Variants in CDH13 observed in about 807,000 individuals in gnomAD.
The protein encoded by CDH13 is cadherin-13.
CDH13 carries 24 observed loss-of-function variants against 63.8 expected under a neutral mutation model. The observed-to-expected ratio is 0.38, with a 90% CI of 0.27 to 0.53. The LOEUF (loss-of-function observed/expected upper bound fraction) is 0.53, where lower values mean the gene tolerates loss of function less well. Among genes scored for constraint, CDH13 ranks in the 20% least tolerant of loss-of-function variants. The pLI, the probability that CDH13 is intolerant of heterozygous loss-of-function variation, is 0.85. For synonymous variants in CDH13, 503 were observed against 355.3 expected (o/e 1.42, Z -4.67); for missense variants, 1,049 against 903.1 (o/e 1.16, Z -2.07).
chr16:82,939,555 G>T (rs1043511486), intron 2 of CDH13, among the ~76,000 whole-genome samples: 1 of 152,046 alleles, frequency 6.6e-6, no homozygotes, highest in South Asian at 2.1e-4. Context: ...GAATACTCAG[G>T]TGAGATCCCC....
rs114561349 is a variant in CDH13, at chr16:83,109,940, G to A, written c.367-15445G>A. Among the ~76,000 whole-genome samples, 897 of 152,246 alleles carry A rather than the reference G, an allele frequency of 5.9e-3. 15 individuals carry two copies. The highest frequency in any genetic ancestry group is 0.02 in the African/African-American group (835 of 41,536). Reference sequence around the variant, plus strand: ...TGTTGTTATTGCTCCTGCTAGATTCGTGAAATATTTCAGAGGCAATTGCAT... The same window carrying A: ...TGTTGTTATTGCTCCTGCTAGATTCATGAAATATTTCAGAGGCAATTGCAT... On this transcript the variant is annotated intron_variant, in intron 3 of 13. Transcript: ENST00000567109.
intron 5 of CDH13, among the ~76,000 whole-genome samples, chr16:83,292,757 AG>A (rs1203744592): frequency 6.6e-6 from 1 of 152,226 alleles, no homozygotes; most frequent in South Asian, 2.1e-4. Context: ...GGGTATGTTC[AG>A]AAAATCAGTG....
rs989470271 is a variant in CDH13 at position 83,237,043 on chromosome 16, A to G, written c.636+19546A>G. Among the ~76,000 whole-genome samples, 3 of 152,104 alleles carry G rather than the reference A, an allele frequency of 2.0e-5. No individual in the cohort carries two copies. The East Asian group carries it at 5.8e-4, about 29-fold the overall frequency. ...AAACCCAGGTGTGAGGACCAGGAGG[A>G]AGAGGGTGGGGCAGAGGGGACAAGG... On this transcript the variant is annotated intron_variant, in intron 5 of 13. Coordinates refer to ENST00000567109, the MANE Select transcript of CDH13 (RefSeq NM_001257.5).
intron 4 of CDH13, among the ~76,000 whole-genome samples, chr16:83,188,286 T>C (rs1422996715): frequency 6.6e-6 from 1 of 152,104 alleles, no homozygotes; most frequent in Non-Finnish European, 1.5e-5. Flanking sequence ...CTAGAAGCAA[T>C]GGGGGCTTGG....
At chr16:82,971,591 A>G (rs1348890569) in intron 2 of CDH13, among the ~76,000 whole-genome samples, 2 of 152,204 alleles carry the variant, frequency 1.3e-5, no homozygotes, top group Non-Finnish European at 1.5e-5. Flanking sequence ...TGTTGTTTCT[A>G]TAAGGTGTTC....
intron 1 of CDH13, among the ~76,000 whole-genome samples, chr16:82,666,779 A>G (rs1238712042): frequency 6.6e-6 from 1 of 152,212 alleles, no homozygotes; most frequent in African/African-American, 2.4e-5. Context: ...ACACAGATGG[A>G]AGCTGGTGAA....
chr16:83,262,668 A>G (rs905115620), intron 5 of CDH13, among the ~76,000 whole-genome samples: 2 of 152,348 alleles, frequency 1.3e-5, no homozygotes, highest in South Asian at 2.1e-4. Context: ...ATAAAGAAAT[A>G]TGAAAAAATG....
intron 4 of CDH13, among the ~76,000 whole-genome samples, chr16:83,192,738 G>A (rs1257913140): frequency 6.6e-6 from 1 of 151,602 alleles, no homozygotes; most frequent in Non-Finnish European, 1.5e-5. Context: ...GGAAGTTGAG[G>A]GACTATACAG....
chr16:83,749,460 C>A (rs1179911768), intron 11 of CDH13, among the ~76,000 whole-genome samples: 1 of 152,104 alleles, frequency 6.6e-6, no homozygotes, highest in Admixed American at 6.6e-5. Context: ...GGGGGCACAG[C>A]ACAGGAGGTA....
chr16:83,406,064 C>T (rs2092038844), intron 6 of CDH13, among the ~76,000 whole-genome samples: 1 of 152,134 alleles, frequency 6.6e-6, no homozygotes, highest in South Asian at 2.1e-4. Flanking sequence ...AATTCTTTGC[C>T]AGCACATAGT....
At chr16:83,256,085 G>A (rs1227592273) in intron 5 of CDH13, among the ~76,000 whole-genome samples, 12 of 152,198 alleles carry the variant, frequency 7.9e-5, no homozygotes, top group Non-Finnish European at 1.5e-5. Context: ...CCAGGCTGAA[G>A]TACAGTGGCA....
chr16:82,960,434 T>G (rs1476602884), intron 2 of CDH13, among the ~76,000 whole-genome samples: 1 of 151,934 alleles, frequency 6.6e-6, no homozygotes, highest in Non-Finnish European at 1.5e-5. Flanking sequence ...ACAGTGGAAA[T>G]CTTGAGTGGG....
chr16:83,629,248 G>C lies in CDH13; in HGVS notation c.1101+26654G>C, dbSNP rs560418074. Reference sequence around the variant, plus strand: ...AATAGAGATTGCCCAAAGAAGTTTTGCTGGCTTCTGAAAACTTTCTCATAA... The same window carrying C: ...AATAGAGATTGCCCAAAGAAGTTTTCCTGGCTTCTGAAAACTTTCTCATAA... On this transcript the variant is annotated intron_variant, in intron 8 of 13. Coordinates refer to ENST00000567109, the MANE Select transcript of CDH13 (RefSeq NM_001257.5). 2.6e-5 allele frequency among the ~76,000 whole-genome samples: 4 copies of C among 152,294 alleles called. No homozygotes were observed. The South Asian group carries it at 8.3e-4, about 32-fold the overall frequency.
chr16:83,677,486 CTCCCA>C (rs2150869224), intron 9 of CDH13, among the ~76,000 whole-genome samples: 1 of 144,136 alleles, frequency 6.9e-6, no homozygotes, highest in South Asian at 2.2e-4. Context: ...ATTGAAAATG[CTCCCA>C]TACATTTTCA....
At chr16:83,311,363 T>G (rs577313350) in intron 5 of CDH13, among the ~76,000 whole-genome samples, 1 of 152,342 alleles carries the variant, frequency 6.6e-6, no homozygotes, top group African/African-American at 2.4e-5. Context: ...GTCGTTATAT[T>G]TTTGTGTATA....
At position 83,748,231 on chromosome 16, in the gene CDH13, C is replaced by T. The variant is rs747067628; in HGVS notation, c.1662C>T (p.Leu554=). The T allele has an allele frequency of 1.3e-4, 213 of 1,610,518 alleles. 1 individual carries two copies. Among genetic ancestry groups the T allele is most frequent in the Middle Eastern group, 1.2e-3 (7 of 6,042 alleles). Residue 554 remains leucine (L), a synonymous_variant, in exon 11 of 14, where the codon CTC becomes CTT. Transcript: ENST00000567109. ...PFVDNSVYTA[L]FLAIDSGNPP... ...TCGACAACAGCGTGTACACTGCTCT[C>T]TTCCTGGCAATTGACAGTGGTGAGT...
At chr16:83,577,471 A>G (rs954039109) in intron 7 of CDH13, among the ~76,000 whole-genome samples, 1 of 152,220 alleles carries the variant, frequency 6.6e-6, no homozygotes, top group African/African-American at 2.4e-5. Context: ...GCACACTGAC[A>G]TTTAAAGAGC....
chr16:83,026,458 A>G (rs78538517), intron 2 of CDH13, among the ~76,000 whole-genome samples: 1,817 of 152,254 alleles, frequency 0.012, 38 homozygotes, highest in African/African-American at 0.042. Context: ...CATTGGGGCT[A>G]TATTTCCCCC....
At chr16:83,470,762 T>C (rs1019442131) in intron 6 of CDH13, among the ~76,000 whole-genome samples, 2 of 152,272 alleles carry the variant, frequency 1.3e-5, no homozygotes, top group Admixed American at 6.5e-5. Context: ...AGATACCCAA[T>C]AAAATAGACA....
Sources: allele counts gnomAD v4.1 joint callset (sites outside exome capture counted in the v4.1 genomes callset), GRCh38; gene constraint gnomAD v4.1.1; transcripts MANE v1.5; gene names NCBI Gene and HGNC (gene_info 2026-07-23, HGNC 2026-07-21).